GYPE: variants seen among roughly 807,000 people sequenced by gnomAD.
GYPE encodes glycophorin E (MNS blood group).
GYPE carries 8 observed loss-of-function variants against 11.6 expected under a neutral mutation model. The ratio of observed to expected loss-of-function variants is 0.69; its 90% CI spans 0.41 to 1.25. The LOEUF is 1.25. Ranked by LOEUF, GYPE falls within the 50% of genes most tolerant of loss-of-function variation. GYPE has a pLI of 0.01. For synonymous variants in GYPE, 28 were observed against 29.6 expected, an observed-to-expected ratio of 0.94 and a Z score of 0.18; for missense variants, 90 against 92.8, an observed-to-expected ratio of 0.97 and a Z score of 0.12.
At chr4:143,876,586 T>C (rs1021777708) in intron 3 of GYPE, among the ~76,000 whole-genome samples, 160 bp downstream of exon 3, 2 of 152,086 alleles carry the variant, frequency 1.3e-5, no homozygotes, top group Non-Finnish European at 1.5e-5. Flanking sequence ...AAAAATAAAT[T>C]ATGCTAGAGA....
chr4:143,905,318 T>C (rs1326569106), intron 1 of GYPE, among the ~76,000 whole-genome samples, 153 bp downstream of exon 1: 1 of 152,196 alleles, frequency 6.6e-6, no homozygotes, highest in Non-Finnish European at 1.5e-5. Context: ...CATTGGTAGC[T>C]GAGTTCCAGT....
At chr4:143,891,098 G>C (rs920949044) in intron 1 of GYPE, among the ~76,000 whole-genome samples, 1 of 151,888 alleles carries the variant, frequency 6.6e-6, no homozygotes, top group Non-Finnish European at 1.5e-5. Flanking sequence ...TATGTAAAGG[G>C]AGAGGGAGTA....
At chr4:143,901,977 T>TGG (rs1245696297) in intron 1 of GYPE, among the ~76,000 whole-genome samples, 69 of 152,190 alleles carry the variant, frequency 4.5e-4, no homozygotes, top group African/African-American at 1.4e-3. Context: ...TGGCAACTAG[T>TGG]CCAGCTCATC....
chr4:143,894,695 C>A (rs1266274900), intron 1 of GYPE, among the ~76,000 whole-genome samples: 2 of 152,044 alleles, frequency 1.3e-5, no homozygotes, highest in Admixed American at 1.3e-4. Context: ...GGCAGAGACA[C>A]AACCAAAAAA....
intron 1 of GYPE, among the ~76,000 whole-genome samples, chr4:143,895,341 A>T (rs1224910687): frequency 2.0e-5 from 3 of 152,162 alleles, no homozygotes; most frequent in Non-Finnish European, 4.4e-5. Flanking sequence ...CAAAAATCAC[A>T]AGCATTCTTA....
intron 2 of GYPE, 86 bp downstream of exon 2, chr4:143,880,325 C>G: frequency 6.2e-7 from 1 of 1,603,298 alleles, no homozygotes; most frequent in Non-Finnish European, 8.5e-7. Flanking sequence ...TTGTCAGTTT[C>G]TCTGCAGTGA....
intron 1 of GYPE, among the ~76,000 whole-genome samples, chr4:143,882,915 A>G (rs1744093920): frequency 1.3e-5 from 2 of 152,220 alleles, no homozygotes; most frequent in Admixed American, 6.5e-5. Context: ...TATTCATAAA[A>G]GATGTTAAAT....
intron 2 of GYPE, among the ~76,000 whole-genome samples, chr4:143,879,041 T>C (rs1184729039): frequency 6.6e-6 from 1 of 152,164 alleles, no homozygotes; most frequent in Non-Finnish European, 1.5e-5. Flanking sequence ...ATGGAGCCAT[T>C]ACTCCACACA....
In GYPE at chr4:143,905,525, G is replaced by C. The variant is rs966622817; in HGVS notation, c.-18C>G. The C allele has an allele frequency of 6.8e-6, 11 of 1,612,974 alleles. No homozygotes were observed. In the African/African-American group the frequency reaches 1.5e-4, roughly 22 times the overall value. ...CCATACATCCTGAGATCACGAGCTG[G>C]CTCCTGAAGTTAGTGCAAAAAAACT... On this transcript the variant is annotated 5_prime_UTR_variant, in exon 1 of 4. Coordinates refer to ENST00000358615, the MANE Select transcript of GYPE (RefSeq NM_198682.3).
rs183086093 is a variant in GYPE at position 143,875,508 on chromosome 4, G to A, written c.*9+1238C>T. 1.9e-6 allele frequency: 3 copies of A among 1,551,044 alleles called. No homozygotes were observed. The East Asian group carries it at 7.3e-5, about 38-fold the overall frequency. On this transcript the variant is annotated intron_variant, in intron 3 of 3. Transcript: ENST00000358615. Reference sequence around the variant, plus strand: ...GGCAGCATGCAGGCCACATCCTCATGCCTGTGATAAAAAGACAGAAGTTTC... The same window carrying A: ...GGCAGCATGCAGGCCACATCCTCATACCTGTGATAAAAAGACAGAAGTTTC...
intron 1 of GYPE, among the ~76,000 whole-genome samples, chr4:143,883,135 A>G (rs1388010016): frequency 3.3e-5 from 5 of 152,022 alleles, no homozygotes; most frequent in African/African-American, 7.3e-5. Flanking sequence ...TGGACATAGT[A>G]ATTTCTCATA....
chr4:143,901,085 C>T (rs1744848027), intron 1 of GYPE, among the ~76,000 whole-genome samples: 1 of 152,142 alleles, frequency 6.6e-6, no homozygotes, highest in African/African-American at 2.4e-5. Flanking sequence ...TTATTCAGAA[C>T]CTGCCTATGT....
At chr4:143,876,391 T>C (rs912576172) in intron 3 of GYPE, among the ~76,000 whole-genome samples, 5 of 152,152 alleles carry the variant, frequency 3.3e-5, no homozygotes, top group African/African-American at 1.2e-4. Flanking sequence ...TTTAAACATA[T>C]GTAAATATAT....
chr4:143,872,671 C>T (rs186560809), intron 3 of GYPE, among the ~76,000 whole-genome samples: 1 of 151,874 alleles, frequency 6.6e-6, no homozygotes, highest in Non-Finnish European at 1.5e-5. Context: ...GAGGATACAT[C>T]GTAAACAAAG....
intron 1 of GYPE, among the ~76,000 whole-genome samples, chr4:143,883,299 C>T (rs1578960386): frequency 6.6e-6 from 1 of 151,848 alleles, no homozygotes; most frequent in East Asian, 1.9e-4. Context: ...TTCCTGAGGC[C>T]TCCCCAGAAG....
At chr4:143,897,406 C>A (rs1433568636) in intron 1 of GYPE, among the ~76,000 whole-genome samples, 2 of 151,956 alleles carry the variant, frequency 1.3e-5, no homozygotes, top group Non-Finnish European at 2.9e-5. Flanking sequence ...CAGTTCAAGA[C>A]TGAAGTAAGT....
chr4:143,903,220 T>C (rs188582645), intron 1 of GYPE, among the ~76,000 whole-genome samples: 10 of 151,920 alleles, frequency 6.6e-5, no homozygotes, highest in Non-Finnish European at 1.3e-4. Context: ...CTTATTTTAA[T>C]AAGATAGTTG....
chr4:143,904,215 A>T (rs1744975768), intron 1 of GYPE, among the ~76,000 whole-genome samples: 1 of 151,998 alleles, frequency 6.6e-6, no homozygotes. Context: ...ACTGATAGCT[A>T]CTGCTTATTT....
chr4:143,875,090 A>T (rs970170158), intron 3 of GYPE, among the ~76,000 whole-genome samples: 1 of 152,136 alleles, frequency 6.6e-6, no homozygotes, highest in Non-Finnish European at 1.5e-5. Context: ...CACCTTGGGT[A>T]CTTGACTGAA....
Sources: gnomAD v4.1 joint callset for allele counts (sites outside exome capture counted in the v4.1 genomes callset) on GRCh38, gnomAD v4.1.1 for gene constraint, MANE v1.5 for transcripts, NCBI Gene and HGNC (gene_info 2026-07-23, HGNC 2026-07-21) for gene names.